SCAPER: variants seen among roughly 807,000 people sequenced by gnomAD.
SCAPER encodes S phase cyclin A-associated protein in the endoplasmic reticulum.
A neutral mutation model predicts 182.2 loss-of-function variants in SCAPER; 98 were observed. The ratio of observed to expected loss-of-function variants is 0.54; its 90% CI spans 0.46 to 0.64. The LOEUF (loss-of-function observed/expected upper bound fraction) is 0.64. Ranked by LOEUF, SCAPER falls within the 30% of genes least tolerant of loss-of-function variation. The probability of loss-of-function intolerance (pLI) is 0.00; values close to 1 mark genes in which losing one functional copy is unlikely to be tolerated. For synonymous variants in SCAPER, 605 were observed against 564.6 expected (o/e 1.07, Z -1.01); for missense variants, 1,432 against 1,690.0 (o/e 0.85, Z 2.68).
At chr15:76,683,667 AC>A (rs1477854747) in intron 20 of SCAPER, among the ~76,000 whole-genome samples, 1 of 152,290 alleles carries the variant, frequency 6.6e-6, no homozygotes, top group East Asian at 1.9e-4. Flanking sequence ...GAAAGAAGGC[AC>A]AGATCACTTA....
chr15:76,510,301 G>C (rs543442767), intron 23 of SCAPER, among the ~76,000 whole-genome samples: 1 of 152,262 alleles, frequency 6.6e-6, no homozygotes, highest in South Asian at 2.1e-4. Flanking sequence ...CTCACAGAGT[G>C]GGAGAAAATC....
At chr15:76,352,864 C>A (rs2040676897) in intron 30 of SCAPER, among the ~76,000 whole-genome samples, 1 of 152,060 alleles carries the variant, frequency 6.6e-6, no homozygotes, top group Admixed American at 6.5e-5. Flanking sequence ...AACTATAAGA[C>A]AGTTTTTGAA....
At chr15:76,360,866 G>C (rs553319196) in intron 29 of SCAPER, among the ~76,000 whole-genome samples, 4 of 152,256 alleles carry the variant, frequency 2.6e-5, no homozygotes, top group Non-Finnish European at 5.9e-5. Flanking sequence ...CTCTAAATTA[G>C]TACTGTCTTA....
chr15:76,753,757 CA>C, intron 15 of SCAPER, 50 bp downstream of exon 15: 1 of 1,567,982 alleles, frequency 6.4e-7, no homozygotes, highest in Admixed American at 1.8e-5. Flanking sequence ...TATAACAATT[CA>C]AAAAAGTACT....
chr15:76,609,015 C>T (rs986704106), intron 22 of SCAPER, among the ~76,000 whole-genome samples: 3 of 152,160 alleles, frequency 2.0e-5, no homozygotes, highest in Non-Finnish European at 4.4e-5. Flanking sequence ...GCGCACAGTG[C>T]GCTGTGCCTA....
chr15:76,691,524 A>C (rs1470504593), intron 20 of SCAPER, among the ~76,000 whole-genome samples: 1 of 152,156 alleles, frequency 6.6e-6, no homozygotes, highest in East Asian at 1.9e-4. Context: ...ATTTTGAAAA[A>C]GAATAAAGAG....
At chr15:76,625,867 A>G (rs2052525974) in intron 21 of SCAPER, among the ~76,000 whole-genome samples, 1 of 152,036 alleles carries the variant, frequency 6.6e-6, no homozygotes, top group Admixed American at 6.6e-5. Context: ...AGGCTACCTC[A>G]CTTTCCTCTC....
At chr15:76,629,671 T>C (rs1052624808) in intron 21 of SCAPER, among the ~76,000 whole-genome samples, 2 of 152,266 alleles carry the variant, frequency 1.3e-5, no homozygotes, top group African/African-American at 4.8e-5. Context: ...CCAGTATTTA[T>C]TGAGAATCAT....
chr15:76,407,311 C>A (rs2944377), intron 26 of SCAPER, among the ~76,000 whole-genome samples: 15,997 of 152,160 alleles, frequency 0.11, 1,024 homozygotes, highest in African/African-American at 0.18. Flanking sequence ...ATTTGTGTAT[C>A]TAACCATAGA....
chr15:76,716,844 G>C (rs280005), intron 17 of SCAPER, among the ~76,000 whole-genome samples: 23,011 of 151,802 alleles, frequency 0.15, 1,959 homozygotes, highest in African/African-American at 0.23. Context: ...AACAGAAAAG[G>C]TTTATATAAA....
At chr15:76,421,755 G>A (rs539601378) in intron 26 of SCAPER, among the ~76,000 whole-genome samples, 1 of 152,240 alleles carries the variant, frequency 6.6e-6, no homozygotes, top group South Asian at 2.1e-4. Flanking sequence ...ATGGTTTTAG[G>A]TCTAACATGT....
chr15:76,721,665 G>A (rs1467020309), intron 17 of SCAPER, among the ~76,000 whole-genome samples: 2 of 151,840 alleles, frequency 1.3e-5, no homozygotes, highest in African/African-American at 4.8e-5. Context: ...TGGATTCCTA[G>A]GTATTTTATT....
intron 24 of SCAPER, among the ~76,000 whole-genome samples, chr15:76,474,724 C>G (rs779935207): frequency 1.6e-4 from 24 of 152,062 alleles, no homozygotes; most frequent in Non-Finnish European, 3.2e-4. Flanking sequence ...GGTTATTAAT[C>G]TTATTATTCT....
chr15:76,721,157 G>A, intron 17 of SCAPER, among the ~76,000 whole-genome samples: 1 of 151,958 alleles, frequency 6.6e-6, no homozygotes, highest in Middle Eastern at 3.4e-3. Context: ...TAGCCAGTTT[G>A]CCCAGCACCT....
In SCAPER at chr15:76,472,448, G is replaced by A. The variant is rs1006459259; in HGVS notation, c.2955-1113C>T. On this transcript the variant is annotated intron_variant, in intron 24 of 31. Transcript: ENST00000563290. ...TATTTTTACGAAGTTTTATAAAAATGCAAAATTTGTTTTACTTTTTTTTAC... is the reference window on the plus strand; with the variant it reads ...TATTTTTACGAAGTTTTATAAAAATACAAAATTTGTTTTACTTTTTTTTAC... The A allele has an allele frequency of 6.4e-5, 34 of 530,406 alleles. 1 individual carries two copies. The East Asian group carries it at 1.2e-3, about 19-fold the overall frequency. 32.9% of individuals were successfully genotyped at this position (530,406 alleles called of 1,614,324 possible). A position where few individuals can be genotyped will look rare whatever the true frequency, so the allele number is the denominator to read the frequency against.
At chr15:76,429,873 G>A (rs1412291997) in intron 26 of SCAPER, among the ~76,000 whole-genome samples, 1 of 152,206 alleles carries the variant, frequency 6.6e-6, no homozygotes, top group Non-Finnish European at 1.5e-5. Context: ...AATGTCGCCA[G>A]GGCATGTCAG....
chr15:76,380,198 C>T (rs1464681253), intron 28 of SCAPER: 3 of 152,094 alleles, frequency 2.0e-5, no homozygotes, highest in Non-Finnish European at 4.4e-5. Flanking sequence ...AACCCTGAGG[C>T]AAGAACTACT....
intron 21 of SCAPER, among the ~76,000 whole-genome samples, chr15:76,644,124 C>A (rs963717037): frequency 6.6e-6 from 1 of 152,096 alleles, no homozygotes; most frequent in Admixed American, 6.5e-5. Flanking sequence ...AGGGGTCAGA[C>A]AGAGTCTTTA....
chr15:76,432,891 T>C (rs779716132), intron 26 of SCAPER, among the ~76,000 whole-genome samples: 16 of 152,222 alleles, frequency 1.1e-4, no homozygotes, highest in Non-Finnish European at 2.2e-4. Context: ...CTCTGAGCAA[T>C]TTCCTCACCT....
Sources: allele counts gnomAD v4.1 joint callset (sites outside exome capture counted in the v4.1 genomes callset), GRCh38; gene constraint gnomAD v4.1.1; transcripts MANE v1.5; gene names NCBI Gene and HGNC (gene_info 2026-07-23, HGNC 2026-07-21).